SLC5A2: variants seen among roughly 807,000 people sequenced by gnomAD.
SLC5A2 encodes solute carrier family 5 member 2.
Under a neutral mutation model 69.0 loss-of-function variants are expected in SLC5A2, and 67 were observed. The ratio of observed to expected loss-of-function variants is 0.97; its 90% confidence interval spans 0.80 to 1.19. The LOEUF (loss-of-function observed/expected upper bound fraction) is 1.19. SLC5A2 is among the 50% of genes most tolerant of loss of function. The pLI is 0.00. For missense variants in SLC5A2, 1,001 were observed against 921.5 expected, an observed-to-expected ratio of 1.09 and a Z score of -1.12; for synonymous variants, 455 against 395.8, an observed-to-expected ratio of 1.15 and a Z score of -1.78.
chr16:31,486,038 G>A lies in SLC5A2; in HGVS notation c.469-132G>A, dbSNP rs547246510. On this transcript the variant is annotated intron_variant, in intron 4 of 13. Transcript: ENST00000330498. ...GGCAGAGCCTGCAATGAATGTCTCC[G>A]GGGCACCAGCTACAGTGCTGGGACC... The A allele has an allele frequency of 5.0e-5, 59 of 1,185,150 alleles. 1 individual carries two copies. The Admixed American group carries it at 6.8e-4, about 14-fold the overall frequency. The allele number at this position is 1,185,150 out of a possible 1,614,324, so 73.4% of individuals were successfully genotyped here.
At chr16:31,484,258 G>GCA (rs1555495482) in intron 1 of SLC5A2, among the ~76,000 whole-genome samples, 6 of 146,456 alleles carry the variant, frequency 4.1e-5, no homozygotes, top group South Asian at 2.2e-4. Context: ...ACACACACAC[G>GCA]CACACACACA....
At position 31,483,156 on chromosome 16, in the gene SLC5A2, C is replaced by G; in HGVS notation, c.20C>G (p.Ala7Gly). 7.4e-6 allele frequency: 12 copies of G among 1,614,028 alleles called. No homozygotes were observed. The highest frequency in any genetic ancestry group is 1.0e-5 in the Non-Finnish European group (12 of 1,180,024). Reference sequence around the variant, plus strand: ...GGGAGAATGGAGGAGCACACAGAGGCAGGCTCGGCACCAGAGATGGGGGCC... The same window carrying G: ...GGGAGAATGGAGGAGCACACAGAGGGAGGCTCGGCACCAGAGATGGGGGCC... MEEHTE[A>G]GSAPEMGAQK... Residue 7 changes from alanine (A) to glycine (G), a missense_variant, in exon 1 of 14, where the codon GCA (alanine) becomes GGA (glycine). Physicochemically the swap from Ala to Gly is moderately conservative, Grantham distance 60. Transcript: ENST00000330498.
At position 31,483,211 on chromosome 16, in the gene SLC5A2, C is replaced by T. The variant is rs2082469626; in HGVS notation, c.75C>T (p.Asp25=). ...AQKALIDNPA[D]ILVIAAYFLL... is the part of the protein sequence containing the mutation. Reference sequence around the variant, plus strand: ...AGGCCCTGATTGACAATCCTGCTGACATCCTAGTCATTGCTGCATATTTCC... The same window carrying T: ...AGGCCCTGATTGACAATCCTGCTGATATCCTAGTCATTGCTGCATATTTCC... Residue 25 remains aspartate (D), a synonymous_variant, in exon 1 of 14, where the codon GAC becomes GAT. Transcript: ENST00000330498. 1.2e-6 allele frequency: 2 copies of T among 1,614,064 alleles called. No individual in the cohort carries two copies. Among genetic ancestry groups the T allele is most frequent in the Non-Finnish European group, 1.7e-6 (2 of 1,180,034 alleles).
chr16:31,490,004 G>A, intron 12 of SLC5A2, 100 bp from the exon 13 acceptor site: 1 of 1,505,410 alleles, frequency 6.6e-7, no homozygotes, highest in Non-Finnish European at 9.1e-7. Flanking sequence ...CTGGACAGAG[G>A]TGGGTAGGGC....
At position 31,486,056 on chromosome 16, in the gene SLC5A2, C is replaced by G. The variant is rs148622126; in HGVS notation, c.469-114C>G. 4.5e-4 allele frequency: 543 copies of G among 1,193,948 alleles called. 3 individuals carry two copies. In the African/African-American group the frequency reaches 7.6e-3, roughly 17 times the overall value. The allele number at this position is 1,193,948 out of a possible 1,614,324, so 74.0% of individuals were successfully genotyped here. A position where few individuals can be genotyped will look rare whatever the true frequency, so the allele number is the denominator to read the frequency against. ...TGTCTCCGGGGCACCAGCTACAGTG[C>G]TGGGACCTGGAAAAATGGAGGGAAG... On this transcript the variant is annotated intron_variant, in intron 4 of 13. Coordinates refer to ENST00000330498, the MANE Select transcript of SLC5A2 (RefSeq NM_003041.4).
In SLC5A2 at chr16:31,483,749, T is replaced by A. The variant is rs116238368; in HGVS notation, c.126+487T>A. On this transcript the variant is annotated intron_variant, in intron 1 of 13. Transcript: ENST00000330498. ...TCTTTTTTATTTAAAAAATTTATTT[T>A]AAAAATTATTTACTTTTAAAGAGAG... 6.5e-3 allele frequency among the ~76,000 whole-genome samples: 986 copies of A among 152,050 alleles called. 17 individuals are homozygous for A. Among genetic ancestry groups the A allele is most frequent in the African/African-American group, 0.023 (945 of 41,494 alleles).
chr16:31,484,786 C>G lies in SLC5A2; in HGVS notation c.199-33C>G, dbSNP rs200562223. 3.1e-6 allele frequency: 5 copies of G among 1,611,148 alleles called. No homozygotes were observed. The African/African-American group carries it at 6.7e-5, about 21-fold the overall frequency. ...CGGGAACGGGAGGGGCCTGGAGAAG[C>G]AGCCCTGCTCACTCCCTCCTCTGGC... On this transcript the variant is annotated intron_variant, in intron 2 of 13. Coordinates refer to ENST00000330498, the MANE Select transcript of SLC5A2 (RefSeq NM_003041.4).
In SLC5A2 at chr16:31,488,923, C is replaced by A. The variant is rs1406538032; in HGVS notation, c.1324C>A (p.Pro442Thr). The change falls in exon 11 of 14, where the codon CCC (proline) becomes ACC (threonine). Residue 442 changes from proline to threonine, a missense_variant. By Grantham distance (38) the Pro-to-Thr change is conservative. Coordinates refer to ENST00000330498, the MANE Select transcript of SLC5A2 (RefSeq NM_003041.4). The stretch of plus-strand genomic sequence containing the variant: ...CGTGGTAGTGTCGGTGGCCTGGCTT[C>A]CCGTGGTGCAGGCGGCACAGGGCGG... ...FIVVVSVAWL[P>T]VVQAAQGGQL... is the part of the protein sequence containing the mutation. 1 of 1,605,058 alleles carries A rather than the reference C, an allele frequency of 6.2e-7. No individual in the cohort carries two copies. The highest frequency in any genetic ancestry group is 1.3e-5 in the African/African-American group (1 of 75,048).
In SLC5A2 at chr16:31,484,943, A is replaced by C; in HGVS notation, c.303+20A>C. On this transcript the variant is annotated intron_variant, in intron 3 of 13. Coordinates refer to ENST00000330498, the MANE Select transcript of SLC5A2 (RefSeq NM_003041.4). ...TGGAATGTGAGGCCCTCTTTTTTCC[A>C]ATAACCCCACCCTCAGTGAGAACAC... The C allele has an allele frequency of 6.2e-7, 1 of 1,604,438 alleles. No homozygotes were observed. The highest frequency in any genetic ancestry group is 1.1e-5 in the South Asian group (1 of 90,560).
Position 31,487,619 on chromosome 16 carries a change from G to A in SLC5A2, c.745G>A (p.Gly249Arg). ...GACGGTGTCCGAGGATCCAGCCGTG[G>A]GAAACATCTCCAGCTTCTGCTATCG... ...SLTVSEDPAV[G>R]NISSFCYRPR... is the part of the protein sequence containing the mutation. Residue 249 changes from glycine (G) to arginine (R), a missense_variant, in exon 7 of 14, where the codon GGA becomes AGA. Transcript: ENST00000330498. 1 of 1,613,884 alleles carries A rather than the reference G, an allele frequency of 6.2e-7. No individual in the cohort carries two copies. Among genetic ancestry groups the A allele is most frequent in the Non-Finnish European group, 8.5e-7 (1 of 1,179,992 alleles).
In SLC5A2 at chr16:31,488,900, T is replaced by C. The variant is rs1000795934; in HGVS notation, c.1301T>C (p.Val434Ala). Reference sequence around the variant, plus strand: ...CGCAGGCTCTGGGTGGTGTTCATCGTGGTAGTGTCGGTGGCCTGGCTTCCC... The same window carrying C: ...CGCAGGCTCTGGGTGGTGTTCATCGCGGTAGTGTCGGTGGCCTGGCTTCCC... ...LVGRLWVVFIVVVSVAWLPVV... is the reference protein window; with the variant it reads ...LVGRLWVVFIAVVSVAWLPVV... Residue 434 changes from valine to alanine, a missense_variant, in exon 11 of 14, where the codon GTG (valine) becomes GCG (alanine). Val to Ala is a moderately conservative substitution (Grantham distance 64). Coordinates refer to ENST00000330498, the MANE Select transcript of SLC5A2 (RefSeq NM_003041.4). The C allele has an allele frequency of 8.1e-6, 13 of 1,605,364 alleles. No individual in the cohort carries two copies. Among genetic ancestry groups the C allele is most frequent in the Non-Finnish European group, 1.1e-5 (13 of 1,179,834 alleles).
intron 5 of SLC5A2, 39 bp from the exon 6 acceptor site, chr16:31,487,279 CAT>C (rs2082503185): frequency 2.5e-6 from 4 of 1,595,706 alleles, no homozygotes; most frequent in African/African-American, 2.7e-5. Flanking sequence ...CAGCCTGTAA[CAT>C]AAACAGCTGG....
chr16:31,489,456 G>A (rs1483323481), intron 12 of SLC5A2, 118 bp downstream of exon 12: 1 of 894,824 alleles, frequency 1.1e-6, no homozygotes, highest in East Asian at 2.7e-5. Flanking sequence ...ATGGGCTGGG[G>A]GTCCAGCTGC....
rs1320039946 is a variant in SLC5A2 at position 31,490,353 on chromosome 16, T to C, written c.1837T>C (p.Trp613Arg). 23 of 1,612,936 alleles carry C rather than the reference T, an allele frequency of 1.4e-5. No homozygotes were observed. The highest frequency in any genetic ancestry group is 1.9e-5 in the Non-Finnish European group (23 of 1,179,636). ...AAGCCTCTTCCGCCAGTGCCTGCTC[T>C]GGTTTTGTGGAATGAGCAGAGGTGG... The part of the protein sequence containing the change: ...APSLFRQCLL[W>R]FCGMSRGGVG... Residue 613 changes from tryptophan to arginine, a missense_variant, in exon 14 of 14, where the codon TGG becomes CGG. Physicochemically the swap from Trp to Arg is moderately radical, Grantham distance 101 (BLOSUM62 -3). Coordinates refer to ENST00000330498, the MANE Select transcript of SLC5A2 (RefSeq NM_003041.4).
intron 12 of SLC5A2, 147 bp from the exon 13 acceptor site, chr16:31,489,957 G>C (rs531524294): frequency 2.0e-6 from 2 of 1,008,868 alleles, no homozygotes; most frequent in African/African-American, 1.6e-5. Flanking sequence ...ATGTAGGGTG[G>C]AGTTGGCATG....
In SLC5A2 at chr16:31,483,151, A is replaced by C. The variant is rs2082468883; in HGVS notation, c.15A>C (p.Thr5=). Residue 5 remains threonine, a synonymous_variant, in exon 1 of 14, where the codon ACA becomes ACC. Coordinates refer to ENST00000330498, the MANE Select transcript of SLC5A2 (RefSeq NM_003041.4). ...TCCTGGGGAGAATGGAGGAGCACACAGAGGCAGGCTCGGCACCAGAGATGG... is the reference window on the plus strand; with the variant it reads ...TCCTGGGGAGAATGGAGGAGCACACCGAGGCAGGCTCGGCACCAGAGATGG... MEEH[T]EAGSAPEMGA... 2 of 1,614,000 alleles carry C rather than the reference A, an allele frequency of 1.2e-6. No individual in the cohort carries two copies.
rs1294475869 is a variant in SLC5A2, at chr16:31,485,748, T to C, written c.323T>C (p.Leu108Pro). ...CCGTAGGCGCTCTTCGTGGTGCTGC[T>C]ACTGGGCTGGCTGTTTGCACCCGTG... The part of the protein sequence containing the change: ...FEWNALFVVL[L>P]LGWLFAPVYL... The change falls in exon 4 of 14, where the codon CTA becomes CCA. Residue 108 changes from leucine to proline, a missense_variant. Physicochemically the swap from Leu to Pro is moderately conservative, Grantham distance 98. Coordinates refer to ENST00000330498, the MANE Select transcript of SLC5A2 (RefSeq NM_003041.4). 6.2e-7 allele frequency: 1 copy of C among 1,613,726 alleles called. No individual in the cohort carries two copies. The highest frequency in any genetic ancestry group is 8.5e-7 in the Non-Finnish European group (1 of 1,180,022).
chr16:31,483,954 GGT>G (rs2082474777), intron 1 of SLC5A2, among the ~76,000 whole-genome samples: 1 of 151,998 alleles, frequency 6.6e-6, no homozygotes, highest in Admixed American at 6.6e-5. Context: ...CAGGCATGGT[GGT>G]GTGTGTGCCT....
chr16:31,487,147 G>T (rs552224776), intron 5 of SLC5A2, among the ~76,000 whole-genome samples, 173 bp from the exon 6 acceptor site: 1 of 152,330 alleles, frequency 6.6e-6, no homozygotes, highest in African/African-American at 2.4e-5. Flanking sequence ...CACTCTGCCC[G>T]CCAAGCCCTG....
Sources: gnomAD v4.1 joint callset for allele counts (sites outside exome capture counted in the v4.1 genomes callset) on GRCh38, gnomAD v4.1.1 for gene constraint, MANE v1.5 for transcripts, NCBI Gene and HGNC (gene_info 2026-07-23, HGNC 2026-07-21) for gene names.